WTIP: variants seen among roughly 807,000 people sequenced by gnomAD.
The protein encoded by WTIP is WT1 interacting protein.
A neutral mutation model predicts 41.7 loss-of-function variants in WTIP; 23 were observed. The observed-to-expected ratio is 0.55, with a 90% confidence interval of 0.40 to 0.78. The LOEUF is 0.78. Among genes scored for constraint, WTIP ranks in the 30% least tolerant of loss-of-function variants. The pLI is 0.00. For missense variants in WTIP, 619 were observed against 610.5 expected, an observed-to-expected ratio of 1.01 and a Z score of -0.15; for synonymous variants, 314 against 269.9, an observed-to-expected ratio of 1.16 and a Z score of -1.60.
At chr19:34,489,197 T>TGAAA (rs2075813060) in intron 1 of WTIP, among the ~76,000 whole-genome samples, 1 of 61,976 alleles carries the variant, frequency 1.6e-5, no homozygotes. Context: ...AGACTCTATC[T>TGAAA]AAAAAAAAAA....
In WTIP at chr19:34,500,403, C is replaced by A; in HGVS notation, c.*134C>A. ...CGAGCTGCTGTCTGCAGGGGCCGGA[C>A]CCCCGCGTGGAAGCTTCTATTTATT... On this transcript the variant is annotated 3_prime_UTR_variant, in exon 8 of 8. Coordinates refer to ENST00000590071, the MANE Select transcript of WTIP (RefSeq NM_001080436.2). The A allele has an allele frequency of 2.4e-6, 3 of 1,242,658 alleles. No individual in the cohort carries two copies. The highest frequency in any genetic ancestry group is 3.0e-5 in the African/African-American group (2 of 66,278). 77.0% of individuals were successfully genotyped at this position (1,242,658 alleles called of 1,614,324 possible). A position where few individuals can be genotyped will look rare whatever the true frequency, so the allele number is the denominator to read the frequency against.
chr19:34,511,632 C>T lies in WTIP; in HGVS notation c.*11363C>T, dbSNP rs556043131. ...TAGAACATCTGTGCCAAGCAGTGTT[C>T]CCATCAATCATAGGAAAATACCATT... On this transcript the variant is annotated 3_prime_UTR_variant, in exon 8 of 8. Transcript: ENST00000590071. 6.6e-6 allele frequency: 1 copy of T among 152,288 alleles called. No homozygotes were observed. The highest frequency in any genetic ancestry group is 1.9e-4 in the East Asian group (1 of 5,184). 9.4% of individuals were successfully genotyped at this position (152,288 alleles called of 1,614,324 possible). A position where few individuals can be genotyped will look rare whatever the true frequency, so the allele number is the denominator to read the frequency against.
chr19:34,499,899 A>T (rs979831364), intron 7 of WTIP, among the ~76,000 whole-genome samples: 7 of 151,964 alleles, frequency 4.6e-5, no homozygotes, highest in Non-Finnish European at 8.8e-5. Flanking sequence ...GGGTTTCACC[A>T]TGTTGGCTGG....
chr19:34,502,559 A>T lies in WTIP; in HGVS notation c.*2290A>T, dbSNP rs116801935. ...CCTCAGCCTTCCAAGTGCTGGGATT[A>T]CAAGTGTGCGCCACCAGGCCTGGCT... On this transcript the variant is annotated 3_prime_UTR_variant, in exon 8 of 8. Transcript: ENST00000590071. The T allele has an allele frequency of 6.6e-6, 1 of 151,904 alleles. No homozygotes were observed. The highest frequency in any genetic ancestry group is 1.5e-5 in the Non-Finnish European group (1 of 68,132). 9.4% of individuals were successfully genotyped at this position (151,904 alleles called of 1,614,324 possible).
intron 1 of WTIP, among the ~76,000 whole-genome samples, chr19:34,485,933 G>A (rs1333268984): frequency 6.6e-6 from 1 of 151,894 alleles, no homozygotes; most frequent in Non-Finnish European, 1.5e-5. Flanking sequence ...ATCTCTTCCT[G>A]TCCTTGGCCC....
Position 34,481,988 on chromosome 19 carries a change from G to T in WTIP, c.14G>T (p.Arg5Met). Residue 5 changes from arginine (R) to methionine (M), a missense_variant, in exon 1 of 8, where the codon AGG becomes ATG. Coordinates refer to ENST00000590071, the MANE Select transcript of WTIP (RefSeq NM_001080436.2). Reference protein sequence around the residue: MQRSRAGADEAALLL... With the variant: MQRSMAGADEAALLL... ...GCGGGCCGGGCCATGCAGCGCTCCA[G>T]GGCGGGCGCGGACGAGGCGGCCCTA... 9.9e-7 allele frequency: 1 copy of T among 1,011,846 alleles called. No homozygotes were observed. The highest frequency in any genetic ancestry group is 5.9e-5 in the Admixed American group (1 of 16,888). 62.7% of individuals were successfully genotyped at this position (1,011,846 alleles called of 1,614,324 possible). A position where few individuals can be genotyped will look rare whatever the true frequency, so the allele number is the denominator to read the frequency against.
At chr19:34,489,372 T>C (rs566107556) in intron 1 of WTIP, among the ~76,000 whole-genome samples, 4 of 152,082 alleles carry the variant, frequency 2.6e-5, no homozygotes, top group African/African-American at 9.6e-5. Context: ...ATGTGACTCA[T>C]CTGTGTGCTG....
Position 34,490,417 on chromosome 19 carries a change from C to G in WTIP, c.709C>G (p.Gln237Glu). Residue 237 changes from glutamine (Q) to glutamate (E), a missense_variant, in exon 2 of 8, where the codon CAG becomes GAG. Gln to Glu is a conservative substitution (Grantham distance 29). Coordinates refer to ENST00000590071, the MANE Select transcript of WTIP (RefSeq NM_001080436.2). ...TGGGCTTGGCATCTACGGAGCCCAG[C>G]AGGCGTGCCAGGCAATGGGGAGTCT... ...KCGLGIYGAQQACQAMGSLYH... is the reference protein window; with the variant it reads ...KCGLGIYGAQEACQAMGSLYH... 6.2e-7 allele frequency: 1 copy of G among 1,614,036 alleles called. No homozygotes were observed. The highest frequency in any genetic ancestry group is 1.1e-5 in the South Asian group (1 of 91,088).
intron 7 of WTIP, chr19:34,498,561 G>C (rs1436494442): frequency 2.0e-5 from 3 of 152,308 alleles, no homozygotes; most frequent in African/African-American, 4.8e-5. Flanking sequence ...CTCTTTTCTA[G>C]TGATCTGCAC....
At position 34,481,918 on chromosome 19, in the gene WTIP, G is replaced by C; in HGVS notation, c.-57G>C. 4.2e-6 allele frequency: 4 copies of C among 963,040 alleles called. No homozygotes were observed. Among genetic ancestry groups the C allele is most frequent in the South Asian group, 4.6e-5 (1 of 21,588 alleles). The allele number at this position is 963,040 out of a possible 1,614,324, so 59.7% of individuals were successfully genotyped here. Reference sequence around the variant, plus strand: ...GGGCGGACGATGCGGCGGCCCGGCCGGAGCGGCGGCGGGAAGCGGAGGCGG... The same window carrying C: ...GGGCGGACGATGCGGCGGCCCGGCCCGAGCGGCGGCGGGAAGCGGAGGCGG... On this transcript the variant is annotated 5_prime_UTR_variant, in exon 1 of 8. Transcript: ENST00000590071.
chr19:34,505,235 A>G lies in WTIP; in HGVS notation c.*4966A>G, dbSNP rs1381947417. 1 of 152,194 alleles carries G rather than the reference A, an allele frequency of 6.6e-6. No homozygotes were observed. Among genetic ancestry groups the G allele is most frequent in the African/African-American group, 2.4e-5 (1 of 41,404 alleles). 9.4% of individuals were successfully genotyped at this position (152,194 alleles called of 1,614,324 possible). A position where few individuals can be genotyped will look rare whatever the true frequency, so the allele number is the denominator to read the frequency against. On this transcript the variant is annotated 3_prime_UTR_variant, in exon 8 of 8. Coordinates refer to ENST00000590071, the MANE Select transcript of WTIP (RefSeq NM_001080436.2). The stretch of plus-strand genomic sequence containing the variant: ...CCTATCTCAGGCCCAGGCCCTTGCC[A>G]GGTTCCTAGTCCCTGGCCGGATACC...
At chr19:34,483,315 C>T (rs1331092024) in intron 1 of WTIP, among the ~76,000 whole-genome samples, 2 of 151,830 alleles carry the variant, frequency 1.3e-5, no homozygotes, top group Non-Finnish European at 2.9e-5. Context: ...TGAGCCAGTG[C>T]GCCCGGCCTG....
intron 2 of WTIP, among the ~76,000 whole-genome samples, chr19:34,491,331 T>A (rs913656894): frequency 1.2e-4 from 18 of 144,658 alleles, no homozygotes; most frequent in East Asian, 2.6e-4. Flanking sequence ...ATTTTAATTT[T>A]ATATTTTTTT....
chr19:34,492,536 A>G (rs952672877), intron 2 of WTIP, among the ~76,000 whole-genome samples: 6 of 151,442 alleles, frequency 4.0e-5, no homozygotes, highest in Admixed American at 6.6e-5. Flanking sequence ...CCCCATCTCT[A>G]CTAAAAATAC....
At chr19:34,483,275 C>A (rs970420882) in intron 1 of WTIP, among the ~76,000 whole-genome samples, 2 of 151,168 alleles carry the variant, frequency 1.3e-5, no homozygotes, top group Non-Finnish European at 2.9e-5. Flanking sequence ...CCGCCCTCCT[C>A]GGCCTCCCAA....
intron 7 of WTIP, among the ~76,000 whole-genome samples, chr19:34,499,362 A>C (rs2075872193): frequency 6.8e-6 from 1 of 146,978 alleles, no homozygotes; most frequent in African/African-American, 2.5e-5. Context: ...AACAAAATTC[A>C]CAGGGCGTGG....
chr19:34,500,372 T>G lies in WTIP; in HGVS notation c.*103T>G. On this transcript the variant is annotated 3_prime_UTR_variant, in exon 8 of 8. Coordinates refer to ENST00000590071, the MANE Select transcript of WTIP (RefSeq NM_001080436.2). Reference sequence around the variant, plus strand: ...TCAGGGGAGCTCCCTCCAATCAGTTTCCCACCGAGCTGCTGTCTGCAGGGG... The same window carrying G: ...TCAGGGGAGCTCCCTCCAATCAGTTGCCCACCGAGCTGCTGTCTGCAGGGG... 7.2e-7 allele frequency: 1 copy of G among 1,382,724 alleles called. No homozygotes were observed. The highest frequency in any genetic ancestry group is 9.5e-7 in the Non-Finnish European group (1 of 1,054,058). The allele number at this position is 1,382,724 out of a possible 1,614,324, so 85.7% of individuals were successfully genotyped here. A position where few individuals can be genotyped will look rare whatever the true frequency, so the allele number is the denominator to read the frequency against.
rs147073468 is a variant in WTIP, at chr19:34,510,011, G to A, written c.*9742G>A. On this transcript the variant is annotated 3_prime_UTR_variant, in exon 8 of 8. Transcript: ENST00000590071. ...CCCCTGCTGGCTTCTTTCATGGGCT[G>A]GCATTGAGTGTCTGCGGCTTTTCCA... 2.6e-5 allele frequency: 4 copies of A among 152,350 alleles called. No individual in the cohort carries two copies. The highest frequency in any genetic ancestry group is 9.6e-5 in the African/African-American group (4 of 41,566). The allele number at this position is 152,350 out of a possible 1,614,324, so 9.4% of individuals were successfully genotyped here.
Position 34,482,055 on chromosome 19 carries a change from C to T in WTIP, c.81C>T (p.Cys27=), listed in dbSNP as rs2075769652. 9.7e-7 allele frequency: 1 copy of T among 1,033,644 alleles called. No homozygotes were observed. Among genetic ancestry groups the T allele is most frequent in the Non-Finnish European group, 1.2e-6 (1 of 862,494 alleles). The allele number at this position is 1,033,644 out of a possible 1,614,324, so 64.0% of individuals were successfully genotyped here. ...GLALRELEPG[C]GSPGRGRRGP... ...CCCTGCGGGAGCTGGAGCCCGGGTG[C>T]GGCTCTCCCGGTCGGGGGCGGCGGG... Residue 27 remains cysteine, a synonymous_variant, in exon 1 of 8, where the codon TGC becomes TGT. Transcript: ENST00000590071.
Sources: allele counts gnomAD v4.1 joint callset (sites outside exome capture counted in the v4.1 genomes callset), GRCh38; gene constraint gnomAD v4.1.1; transcripts MANE v1.5; gene names NCBI Gene and HGNC (gene_info 2026-07-23, HGNC 2026-07-21).